ALK: variants seen among roughly 807,000 people sequenced by gnomAD.
ALK encodes the protein ALK receptor tyrosine kinase, also known as ALK tyrosine kinase receptor.
In ALK, 74 loss-of-function variants were observed where a neutral mutation model predicts 163.1. The observed-to-expected ratio is 0.45, with a 90% CI of 0.38 to 0.55. The LOEUF is 0.55. ALK is among the 20% of genes least tolerant of loss of function. ALK has a pLI of 0.00. For synonymous variants in ALK, 960 were observed against 843.2 expected, an observed-to-expected ratio of 1.14 and a Z score of -2.40; for missense variants, 2,063 against 2,105.3, an observed-to-expected ratio of 0.98 and a Z score of 0.39.
chr2:29,784,473 A>G (rs1663943396), intron 1 of ALK, among the ~76,000 whole-genome samples: 1 of 152,176 alleles, frequency 6.6e-6, no homozygotes, highest in Admixed American at 6.6e-5. Context: ...AGGCGGGCAG[A>G]TCACTTGAGG....
rs868511197 is a variant in ALK at position 29,383,964 on chromosome 2, C to G, written c.1155-105G>C. ...GTCCTTGCAGGGACTTCAGGACTCACATTCTTCATGGGCACCAAGAGATGG... is the reference window on the plus strand; with the variant it reads ...GTCCTTGCAGGGACTTCAGGACTCAGATTCTTCATGGGCACCAAGAGATGG... On this transcript the variant is annotated intron_variant, in intron 4 of 28. Transcript: ENST00000389048. 11 of 1,423,684 alleles carry G rather than the reference C, an allele frequency of 7.7e-6. No individual in the cohort carries two copies. In the African/African-American group the frequency reaches 8.5e-5, roughly 11 times the overall value. The allele number at this position is 1,423,684 out of a possible 1,614,324, so 88.2% of individuals were successfully genotyped here. A position where few individuals can be genotyped will look rare whatever the true frequency, so the allele number is the denominator to read the frequency against.
intron 4 of ALK, among the ~76,000 whole-genome samples, chr2:29,474,685 A>C (rs1186014912): frequency 6.6e-6 from 1 of 152,202 alleles, no homozygotes; most frequent in African/African-American, 2.4e-5. Context: ...AAAATTGTGG[A>C]TTCAGGAATA....
chr2:29,324,057 T>C (rs1165603688), intron 6 of ALK, among the ~76,000 whole-genome samples: 1 of 152,222 alleles, frequency 6.6e-6, no homozygotes, highest in Non-Finnish European at 1.5e-5. Flanking sequence ...GTGACTCCTG[T>C]GCACCTTAAA....
chr2:29,450,173 A>C (rs1670786574), intron 4 of ALK, among the ~76,000 whole-genome samples: 1 of 152,144 alleles, frequency 6.6e-6, no homozygotes, highest in African/African-American at 2.4e-5. Context: ...ACCTTCTCTG[A>C]GCCCATGCAG....
chr2:29,711,597 C>T (rs1266687379), intron 2 of ALK, among the ~76,000 whole-genome samples: 10 of 151,302 alleles, frequency 6.6e-5, no homozygotes, highest in African/African-American at 1.5e-4. Context: ...TTGGTGGAGA[C>T]GTGCTAAGGG....
In ALK at chr2:29,675,623, C is replaced by T. The variant is rs75142905; in HGVS notation, c.952+19227G>A. Among the ~76,000 whole-genome samples, 639 of 152,056 alleles carry T rather than the reference C, an allele frequency of 4.2e-3. 4 individuals are homozygous for T. The highest frequency in any genetic ancestry group is 0.014 in the African/African-American group (579 of 41,510). ...CCTGTGAATTTTTTTTTCTTAGATACTGAAAGTTACAGCTGGATCCATGCC... is the reference window on the plus strand; with the variant it reads ...CCTGTGAATTTTTTTTTCTTAGATATTGAAAGTTACAGCTGGATCCATGCC... On this transcript the variant is annotated intron_variant, in intron 3 of 28. Coordinates refer to ENST00000389048, the MANE Select transcript of ALK (RefSeq NM_004304.5).
At chr2:29,518,787 G>A (rs1672738437) in intron 4 of ALK, among the ~76,000 whole-genome samples, 1 of 152,206 alleles carries the variant, frequency 6.6e-6, no homozygotes, top group Non-Finnish European at 1.5e-5. Context: ...GCCTTGTTAG[G>A]AGAAAGTAAG....
At position 29,207,215 on chromosome 2, in the gene ALK, TG is replaced by T; in HGVS notation, c.3893del (p.Pro1298GlnfsTer64). ...CAMLPVKWMP[P>X]EAFMEGIFTS... is the part of the protein sequence containing the mutation. Reference sequence around the variant, plus strand: ...TGAATATTCCTTCCATGAAGGCCTCTGGGGGCATCCACTTAACTGGCAGCAT... The same window carrying T: ...TGAATATTCCTTCCATGAAGGCCTCTGGGGCATCCACTTAACTGGCAGCAT... On this transcript the variant is annotated frameshift_variant, in exon 26 of 29. Coordinates refer to ENST00000389048, the MANE Select transcript of ALK (RefSeq NM_004304.5). LOFTEE classifies it high-confidence loss of function. The T allele has an allele frequency of 1.2e-6, 2 of 1,614,156 alleles. No homozygotes were observed. The highest frequency in any genetic ancestry group is 1.7e-6 in the Non-Finnish European group (2 of 1,180,004).
At chr2:29,539,226 C>A (rs1241838694) in intron 3 of ALK, among the ~76,000 whole-genome samples, 1 of 152,134 alleles carries the variant, frequency 6.6e-6, no homozygotes, top group Non-Finnish European at 1.5e-5. Context: ...TATTTATAAT[C>A]TTCTCTATAG....
intron 1 of ALK, chr2:29,899,825 C>CA (rs113853213): frequency 0.045 from 5,050 of 111,170 alleles, 269 homozygotes; most frequent in African/African-American, 0.14. Context: ...GACCCCATCT[C>CA]AAAAAAAAAA....
chr2:29,324,917 A>G (rs1283929728), intron 6 of ALK, among the ~76,000 whole-genome samples: 1 of 152,160 alleles, frequency 6.6e-6, no homozygotes, highest in Non-Finnish European at 1.5e-5. Flanking sequence ...AGGCAAGGGA[A>G]TGTCACCTCC....
At chr2:29,566,953 T>A (rs539337597) in intron 3 of ALK, among the ~76,000 whole-genome samples, 80 of 152,336 alleles carry the variant, frequency 5.3e-4, no homozygotes, top group Non-Finnish European at 9.3e-4. Flanking sequence ...ATCAAAACAT[T>A]AAATGTAGAA....
chr2:29,894,918 T>A (rs1220448145), intron 1 of ALK, among the ~76,000 whole-genome samples: 1 of 151,708 alleles, frequency 6.6e-6, no homozygotes, highest in Non-Finnish European at 1.5e-5. Flanking sequence ...GGTCAATATC[T>A]CCTATAGAGA....
intron 3 of ALK, among the ~76,000 whole-genome samples, chr2:29,616,337 A>G (rs1675846006): frequency 6.6e-6 from 1 of 152,220 alleles, no homozygotes; most frequent in African/African-American, 2.4e-5. Flanking sequence ...AGAGGGGAGG[A>G]AAAGGGCAGA....
chr2:29,290,364 C>T (rs554830542), intron 9 of ALK, among the ~76,000 whole-genome samples: 41 of 152,304 alleles, frequency 2.7e-4, no homozygotes, highest in African/African-American at 9.6e-4. Context: ...AGTGAGGAGG[C>T]GCAGGAGCTG....
chr2:29,487,930 A>T (rs1573395301), intron 4 of ALK, among the ~76,000 whole-genome samples: 2 of 152,032 alleles, frequency 1.3e-5, no homozygotes, highest in Non-Finnish European at 2.9e-5. Flanking sequence ...AGAGGGGCCC[A>T]GTGTGATTGG....
At chr2:29,567,107 T>C (rs1183483388) in intron 3 of ALK, among the ~76,000 whole-genome samples, 1 of 152,130 alleles carries the variant, frequency 6.6e-6, no homozygotes, top group African/African-American at 2.4e-5. Context: ...AACTCTGGGG[T>C]GGTGCTCTAT....
intron 9 of ALK, among the ~76,000 whole-genome samples, chr2:29,292,147 G>C (rs1666042679): frequency 6.6e-6 from 1 of 152,244 alleles, no homozygotes; most frequent in Non-Finnish European, 1.5e-5. Flanking sequence ...TATGTATGTA[G>C]TGTACGGCTA....
At chr2:29,586,160 CT>C (rs1674881515) in intron 3 of ALK, among the ~76,000 whole-genome samples, 1 of 151,730 alleles carries the variant, frequency 6.6e-6, no homozygotes, top group Non-Finnish European at 1.5e-5. Flanking sequence ...ATTTTTCATC[CT>C]TTTATTAATC....
Sources: gnomAD v4.1 joint callset for allele counts (sites outside exome capture counted in the v4.1 genomes callset) on GRCh38, gnomAD v4.1.1 for gene constraint, MANE v1.5 for transcripts, NCBI Gene and HGNC (gene_info 2026-07-23, HGNC 2026-07-21) for gene names.